Variants in CCND3 observed in about 807,000 individuals in gnomAD.
The protein encoded by CCND3 is cyclin D3.
Under a neutral mutation model 28.7 loss-of-function variants are expected in CCND3, and 9 were observed. The ratio of observed to expected loss-of-function variants is 0.31; its 90% CI spans 0.19 to 0.55. The LOEUF (loss-of-function observed/expected upper bound fraction) is 0.55, where lower values mean the gene tolerates loss of function less well. Ranked by LOEUF, CCND3 falls within the 20% of genes least tolerant of loss-of-function variation. The pLI, the probability that CCND3 is intolerant of heterozygous loss-of-function variation, is 0.93. For synonymous variants in CCND3, 164 were observed against 163.9 expected (o/e 1.00, Z 0.00); for missense variants, 315 against 385.8 (o/e 0.82, Z 1.54).
Position 42,014,388 on chromosome 6 carries a change from A to ACAAAACAAAG in CCND3, c.-46+34112_-46+34113insCTTTGTTTTG, listed in dbSNP as rs1460120152. On this transcript the variant is annotated intron_variant, in intron 1 of 4. Transcript: ENST00000372988. ...CTCAAACAAAACAAAACAAAACAAA[A>ACAAAACAAAG]CAAAACAAAACAAAACAAAGGCCTC... 8.5e-5 allele frequency among the ~76,000 whole-genome samples: 13 copies of ACAAAACAAAG among 152,054 alleles called. No homozygotes were observed. The East Asian group carries it at 2.1e-3, about 25-fold the overall frequency.
rs1775794961 is a variant in CCND3 at position 41,936,375 on chromosome 6, C to G, written c.711+184G>C. 1.4e-6 allele frequency: 1 copy of G among 734,396 alleles called. No individual in the cohort carries two copies. The highest frequency in any genetic ancestry group is 1.9e-5 in the South Asian group (1 of 53,048). 45.5% of individuals were successfully genotyped at this position (734,396 alleles called of 1,614,324 possible). On this transcript the variant is annotated intron_variant, in intron 4 of 4. Coordinates refer to ENST00000372991, the MANE Select transcript of CCND3 (RefSeq NM_001760.5). The surrounding 1 kb of genome is among the most constrained non-coding windows in gnomAD (Gnocchi z 4.4). ...AAGAACCCCTAGGGCCAGTGCCCTT[C>G]ACCCCACCCAAGATACTTGCTCTTC...
chr6:41,957,010 A>G (rs894644487), intron 1 of CCND3, among the ~76,000 whole-genome samples: 27 of 152,352 alleles, frequency 1.8e-4, no homozygotes, highest in African/African-American at 6.5e-4. Context: ...CAGCCTGGGC[A>G]ACAGAATGAG....
chr6:41,972,864 C>CATAT (rs10560058), intron 1 of CCND3, among the ~76,000 whole-genome samples: 49 of 147,398 alleles, frequency 3.3e-4, no homozygotes, highest in African/African-American at 1.1e-3. Context: ...AAAAAATTTA[C>CATAT]ATATATATAT....
chr6:41,939,227 A>G lies in CCND3; in HGVS notation c.414+1143T>C, dbSNP rs1335316797. Among the ~76,000 whole-genome samples, 1 of 152,062 alleles carries G rather than the reference A, an allele frequency of 6.6e-6. No homozygotes were observed. The highest frequency in any genetic ancestry group is 2.4e-5 in the African/African-American group (1 of 41,408). ...AGAGGAATCCTGTTCCTCGACTCAC[A>G]GCAGTCGGGGGCCCCAGTACCCTGG... On this transcript the variant is annotated intron_variant, in intron 2 of 4. Coordinates refer to ENST00000372991, the MANE Select transcript of CCND3 (RefSeq NM_001760.5). This position sits in a 1 kb window ranked among gnomAD's most constrained non-coding sequence, Gnocchi z 4.2.
At chr6:42,045,170 G>A (rs540145855) in intron 1 of CCND3, among the ~76,000 whole-genome samples, 1 of 151,940 alleles carries the variant, frequency 6.6e-6, no homozygotes, top group South Asian at 2.1e-4. Context: ...TCCCATACTA[G>A]CAGCAGCATT....
chr6:41,943,804 TA>T (rs1402918966), upstream of CCND3, among the ~76,000 whole-genome samples: 3 of 152,362 alleles, frequency 2.0e-5, no homozygotes, highest in African/African-American at 7.2e-5. Context: ...TTAGTAATAA[TA>T]AATCTATTTT....
At chr6:41,948,861 AAAAAAAG>A (rs1290468140) in intron 1 of CCND3, among the ~76,000 whole-genome samples, 1 of 151,276 alleles carries the variant, frequency 6.6e-6, no homozygotes, top group Non-Finnish European at 1.5e-5. Context: ...AAAAAAAAAG[AAAAAAAG>A]AAAAAAGAAA....
rs557652908 is a variant in CCND3, at chr6:41,938,482, A to G, written c.415-1088T>C. ...CCAGAAGTGAGACAGATAAATTACA[A>G]CGCTACCCCTAGTGCATGTCCCAGG... On this transcript the variant is annotated intron_variant, in intron 2 of 4. Transcript: ENST00000372991. The surrounding 1 kb of genome is among the most constrained non-coding windows in gnomAD (Gnocchi z 4.6). Among the ~76,000 whole-genome samples the G allele has an allele frequency of 5.9e-5, 9 of 152,078 alleles. No homozygotes were observed. In the East Asian group the frequency reaches 1.7e-3, roughly 29 times the overall value.
At chr6:42,014,224 G>A (rs192970957) in intron 1 of CCND3, among the ~76,000 whole-genome samples, 18 of 151,856 alleles carry the variant, frequency 1.2e-4, no homozygotes, top group African/African-American at 3.9e-4. Context: ...AAAATTAGCC[G>A]GGCGAAGTGG....
chr6:42,013,529 A>G (rs926826076), intron 1 of CCND3, among the ~76,000 whole-genome samples: 1 of 152,234 alleles, frequency 6.6e-6, no homozygotes, highest in Non-Finnish European at 1.5e-5. Flanking sequence ...GAGCAAATAA[A>G]TAACTGTTAA....
chr6:42,029,843 A>G (rs1171335367), intron 1 of CCND3, among the ~76,000 whole-genome samples: 2 of 151,634 alleles, frequency 1.3e-5, no homozygotes, highest in African/African-American at 2.4e-5. Flanking sequence ...GTCTCAAAAA[A>G]AAAAAAAAAA....
At chr6:42,005,380 A>G (rs1307540454) in intron 1 of CCND3, among the ~76,000 whole-genome samples, 1 of 151,838 alleles carries the variant, frequency 6.6e-6, no homozygotes, top group Admixed American at 6.6e-5. Context: ...TGCCTCTACT[A>G]AAAATACAAA....
intron 1 of CCND3, among the ~76,000 whole-genome samples, chr6:42,002,379 A>G (rs1277981260): frequency 6.6e-6 from 1 of 150,998 alleles, no homozygotes; most frequent in Admixed American, 6.6e-5. Context: ...TTGGGAGGCT[A>G]CAGTGAGCCC....
chr6:42,035,787 C>T (rs1344892030), intron 1 of CCND3, among the ~76,000 whole-genome samples: 16 of 151,238 alleles, frequency 1.1e-4, no homozygotes, highest in African/African-American at 3.9e-4. Context: ...AAGCAATTCT[C>T]CTGCCTCAGC....
chr6:42,043,047 G>A (rs1229863228), intron 1 of CCND3, among the ~76,000 whole-genome samples: 1 of 152,240 alleles, frequency 6.6e-6, no homozygotes, highest in African/African-American at 2.4e-5. Context: ...TGGGCTGTGT[G>A]TAAGGAAGCA....
chr6:41,987,513 C>CTGTGTG (rs1406198911), intron 1 of CCND3, among the ~76,000 whole-genome samples: 1 of 41,920 alleles, frequency 2.4e-5, no homozygotes, highest in African/African-American at 1.9e-4. Flanking sequence ...CTCTCTCTCT[C>CTGTGTG]TCTCTGTGTG....
rs150526537 is a variant in CCND3 at position 41,941,587 on chromosome 6, C to G, written c.63G>C (p.Leu21=). ...HAPRAGPDPR[L]LGDQRVLQSL... ...TCTGCAGGACACGCTGGTCCCCCAG[C>G]AGCCGCGGGTCCGGCCCGGCCCGGG... Residue 21 remains leucine, a synonymous_variant, in exon 1 of 5, where the codon CTG becomes CTC. Coordinates refer to ENST00000372991, the MANE Select transcript of CCND3 (RefSeq NM_001760.5). This position sits in a 1 kb window ranked among gnomAD's most constrained non-coding sequence, Gnocchi z 6.1. 6.8e-5 allele frequency: 106 copies of G among 1,551,604 alleles called. No homozygotes were observed. The highest frequency in any genetic ancestry group is 8.7e-5 in the Non-Finnish European group (100 of 1,148,302).
chr6:42,001,393 T>C (rs1763006956), intron 1 of CCND3, among the ~76,000 whole-genome samples: 1 of 152,226 alleles, frequency 6.6e-6, no homozygotes, highest in South Asian at 2.1e-4. Flanking sequence ...AAATAGTGCA[T>C]ATACATCCAT....
rs531469043 is a variant in CCND3, at chr6:42,027,080, C to T, written c.-46+21421G>A. 7.2e-5 allele frequency among the ~76,000 whole-genome samples: 11 copies of T among 152,302 alleles called. No individual in the cohort carries two copies. The South Asian group carries it at 2.3e-3, about 32-fold the overall frequency. ...GTGAAAAAGGGGCCTTGTCCTCATC[C>T]ATGTCTCCAGCCCTTCACCTCCATC... On this transcript the variant is annotated intron_variant, in intron 1 of 4. Coordinates refer to the CCND3 transcript ENST00000372988.
Sources: gnomAD v4.1 joint callset for allele counts (sites outside exome capture counted in the v4.1 genomes callset) on GRCh38, gnomAD v4.1.1 for gene constraint, Gnocchi (gnomAD v3.1) non-coding constraint, MANE v1.5 for transcripts, NCBI Gene and HGNC (gene_info 2026-07-23, HGNC 2026-07-21) for gene names.